The following LRIG3 variants were observed in gnomAD, a reference collection of about 807,000 sequenced individuals.
LRIG3 encodes the protein leucine rich repeats and immunoglobulin like domains 3.
In LRIG3, 76 loss-of-function variants were observed where a neutral mutation model predicts 114.5. The ratio of observed to expected loss-of-function variants is 0.66; its 90% CI spans 0.55 to 0.80. The LOEUF (loss-of-function observed/expected upper bound fraction) is 0.80. LRIG3 is among the 30% of genes least tolerant of loss of function. The pLI is 0.00. For missense variants in LRIG3, 1,239 were observed against 1,382.8 expected, an observed-to-expected ratio of 0.90 and a Z score of 1.65; for synonymous variants, 512 against 519.8, an observed-to-expected ratio of 0.98 and a Z score of 0.20.
chr12:58,916,697 G>A (rs543845296), intron 1 of LRIG3, among the ~76,000 whole-genome samples: 2 of 152,300 alleles, frequency 1.3e-5, no homozygotes, highest in African/African-American at 2.4e-5. Flanking sequence ...TTAATGAATG[G>A]GAAAGGTAGT....
At chr12:58,880,464 G>C (rs1042548702) in intron 13 of LRIG3, 117 bp downstream of exon 13, 3 of 988,484 alleles carry the variant, frequency 3.0e-6, no homozygotes, top group Admixed American at 4.1e-5. Context: ...GGGAAAGGAA[G>C]AGTCAGGTGG....
intron 10 of LRIG3, among the ~76,000 whole-genome samples, chr12:58,884,592 C>A (rs1871215243): frequency 6.6e-6 from 1 of 152,162 alleles, no homozygotes; most frequent in Admixed American, 6.5e-5. Flanking sequence ...ATAAATACTG[C>A]AATGTTGGTC....
chr12:58,895,232 T>C (rs929759440), intron 3 of LRIG3, among the ~76,000 whole-genome samples: 1 of 151,818 alleles, frequency 6.6e-6, no homozygotes, highest in African/African-American at 2.4e-5. Context: ...TAAAGTCTAG[T>C]GGGGAGGATA....
chr12:58,901,787 C>T (rs995868761), intron 3 of LRIG3, among the ~76,000 whole-genome samples: 3 of 152,132 alleles, frequency 2.0e-5, no homozygotes, highest in African/African-American at 7.2e-5. Flanking sequence ...AAGGGTAGAC[C>T]TCTGCTTAAC....
In LRIG3 at chr12:58,874,555, T is replaced by C; in HGVS notation, c.2714A>G (p.Asn905Ser). The C allele has an allele frequency of 3.1e-6, 5 of 1,614,230 alleles. No homozygotes were observed. The highest frequency in any genetic ancestry group is 4.2e-6 in the Non-Finnish European group (5 of 1,180,040). Reference protein sequence around the residue: ...HDSSGTCHIDNSSEADVEAAT... With the variant: ...HDSSGTCHIDSSSEADVEAAT... ...AGCTTCCACATCAGCTTCACTGCTA[T>C]TGTCAATATGGCAGGTCCCTTTGAA... is the stretch of plus-strand genomic sequence containing the variant. The change falls in exon 17 of 19, where the codon AAT (asparagine) becomes AGT (serine). Residue 905 changes from asparagine (N) to serine (S), a missense_variant. Coordinates refer to ENST00000320743, the MANE Select transcript of LRIG3 (RefSeq NM_153377.5).
rs556886519 is a variant in LRIG3 at position 58,918,971 on chromosome 12, G to A, written c.236+1029C>T. ...TGACCAAACCTCCTACCACATTAGGGCATTGGAATAGTTCACTAGAATTGT... is the reference window on the plus strand; with the variant it reads ...TGACCAAACCTCCTACCACATTAGGACATTGGAATAGTTCACTAGAATTGT... On this transcript the variant is annotated intron_variant, in intron 1 of 18. Transcript: ENST00000320743. Among the ~76,000 whole-genome samples the A allele has an allele frequency of 2.3e-4, 35 of 152,276 alleles. No homozygotes were observed. In the South Asian group the frequency reaches 6.4e-3, roughly 28 times the overall value.
In LRIG3 at chr12:58,898,664, GT is replaced by G. The variant is rs527352085; in HGVS notation, c.384-7869del. Among the ~76,000 whole-genome samples the G allele has an allele frequency of 2.3e-3, 345 of 149,148 alleles. 2 individuals carry two copies. The highest frequency in any genetic ancestry group is 4.3e-3 in the Non-Finnish European group (288 of 67,036). On this transcript the variant is annotated intron_variant, in intron 3 of 18. Transcript: ENST00000320743. ...TAGGTTATTAATCCTTTTCTCCCTT[GT>G]TTTTTTTTTCTTGAGACGGAGTCTG...
At chr12:58,909,780 C>T (rs1273277158) in intron 3 of LRIG3, among the ~76,000 whole-genome samples, 1 of 152,218 alleles carries the variant, frequency 6.6e-6, no homozygotes, top group Non-Finnish European at 1.5e-5. Context: ...TAATTCCAGG[C>T]CACCTGACTT....
At position 58,872,467 on chromosome 12, in the gene LRIG3, C is replaced by T; in HGVS notation, c.*105G>A. ...TCTGTATAAATAAAGCATTTTTATC[C>T]TTTTAAAATTCATAACTCCATTTAA... On this transcript the variant is annotated 3_prime_UTR_variant, in exon 19 of 19. Coordinates refer to ENST00000320743, the MANE Select transcript of LRIG3 (RefSeq NM_153377.5). 2 of 1,289,260 alleles carry T rather than the reference C, an allele frequency of 1.6e-6. No homozygotes were observed. The highest frequency in any genetic ancestry group is 4.2e-5 in the South Asian group (2 of 47,512). 79.9% of individuals were successfully genotyped at this position (1,289,260 alleles called of 1,614,324 possible). A position where few individuals can be genotyped will look rare whatever the true frequency, so the allele number is the denominator to read the frequency against.
intron 3 of LRIG3, among the ~76,000 whole-genome samples, chr12:58,904,272 G>A (rs1871979157): frequency 6.6e-6 from 1 of 152,088 alleles, no homozygotes; most frequent in Admixed American, 6.6e-5. Flanking sequence ...AGGAAGAGAA[G>A]GGGGAAAAAT....
Position 58,879,050 on chromosome 12 carries a change from C to T in LRIG3, c.1857G>A (p.Met619Ile), listed in dbSNP as rs757561715. 75 of 1,614,018 alleles carry T rather than the reference C, an allele frequency of 4.6e-5. 1 individual carries two copies. The highest frequency in any genetic ancestry group is 6.2e-5 in the Non-Finnish European group (73 of 1,180,008). ...PMDLTIRAGAMARLECAAVGH... is the reference protein window; with the variant it reads ...PMDLTIRAGAIARLECAAVGH... The stretch of plus-strand genomic sequence containing the variant: ...CCACAGCAGCACACTCCAAGCGTGC[C>T]ATGGCCCCAGCTCGGATGGTGAGAT... The change falls in exon 14 of 19, where the codon ATG becomes ATA. Residue 619 changes from methionine (M) to isoleucine (I), a missense_variant. By Grantham distance (10) the Met-to-Ile change is conservative (BLOSUM62 1). Transcript: ENST00000320743.
At chr12:58,910,117 G>A (rs1428199759) in intron 3 of LRIG3, among the ~76,000 whole-genome samples, 2 of 152,168 alleles carry the variant, frequency 1.3e-5, no homozygotes, top group Non-Finnish European at 2.9e-5. Context: ...TAAAGACAAT[G>A]ATGGACTAAG....
rs367927938 is a variant in LRIG3 at position 58,878,870 on chromosome 12, C to G, written c.2037G>C (p.Gln679His). 1.2e-6 allele frequency: 2 copies of G among 1,614,098 alleles called. No homozygotes were observed. Among genetic ancestry groups the G allele is most frequent in the Non-Finnish European group, 1.7e-6 (2 of 1,180,046 alleles). The stretch of plus-strand genomic sequence containing the variant: ...TTGCTGAAATACTTCCTGCACTGTT[C>G]TGAGCTGTGCAGCTGTATACCCCAA... ...EDIGVYSCTA[Q>H]NSAGSISANA... Residue 679 changes from glutamine to histidine, a missense_variant, in exon 14 of 19, where the codon CAG becomes CAC. Gln to His is a conservative substitution (Grantham distance 24). Coordinates refer to ENST00000320743, the MANE Select transcript of LRIG3 (RefSeq NM_153377.5).
chr12:58,890,695 G>A lies in LRIG3; in HGVS notation c.485C>T (p.Thr162Ile), dbSNP rs751710070. 6.2e-7 allele frequency: 1 copy of A among 1,607,310 alleles called. No homozygotes were observed. The highest frequency in any genetic ancestry group is 1.7e-5 in the Admixed American group (1 of 59,092). The change falls in exon 4 of 19, where the codon ACT becomes ATT. Residue 162 changes from threonine to isoleucine, a missense_variant. Physicochemically the swap from Thr to Ile is moderately conservative, Grantham distance 89. Transcript: ENST00000320743. Reference protein sequence around the residue: ...LSSNNISELQTAFPALQLKYL... With the variant: ...LSSNNISELQIAFPALQLKYL... ...TTTGAGCTGTAGGGCTGGAAATGCA[G>A]TTTGGAGCTCTGAAATATTGTTGCT...
At chr12:58,901,375 G>A (rs1871842688) in intron 3 of LRIG3, among the ~76,000 whole-genome samples, 2 of 152,186 alleles carry the variant, frequency 1.3e-5, no homozygotes, top group African/African-American at 4.8e-5. Context: ...TCTGGCCATT[G>A]TGTTTATACT....
chr12:58,888,699 A>T, intron 6 of LRIG3, 120 bp downstream of exon 6: 1 of 1,401,828 alleles, frequency 7.1e-7, no homozygotes, highest in Non-Finnish European at 9.7e-7. Flanking sequence ...ATACTGACTT[A>T]TAAATAAGAT....
chr12:58,876,239 T>C (rs1162075119), intron 16 of LRIG3, among the ~76,000 whole-genome samples: 1 of 152,210 alleles, frequency 6.6e-6, no homozygotes, highest in African/African-American at 2.4e-5. Flanking sequence ...TACTAGTCTT[T>C]TTTTATTGTT....
rs1592293983 is a variant in LRIG3, at chr12:58,878,904, A to G, written c.2003T>C (p.Ile668Thr). ...DDVFFIVDVK[I>T]EDIGVYSCTA... The stretch of plus-strand genomic sequence containing the variant: ...GCAGCTGTATACCCCAATGTCCTCT[A>G]TCTTCACATCCACGATAAAGAACAC... The change falls in exon 14 of 19, where the codon ATA becomes ACA. Residue 668 changes from isoleucine (I) to threonine (T), a missense_variant. Physicochemically the swap from Ile to Thr is moderately conservative, Grantham distance 89 (BLOSUM62 -1). Coordinates refer to ENST00000320743, the MANE Select transcript of LRIG3 (RefSeq NM_153377.5). 6.2e-7 allele frequency: 1 copy of G among 1,614,198 alleles called. No homozygotes were observed. The highest frequency in any genetic ancestry group is 8.5e-7 in the Non-Finnish European group (1 of 1,180,036).
chr12:58,887,911 T>C lies in LRIG3; in HGVS notation c.969A>G (p.Leu323=), dbSNP rs920702224. 2.5e-6 allele frequency: 4 copies of C among 1,613,084 alleles called. No individual in the cohort carries two copies. Among genetic ancestry groups the C allele is most frequent in the Admixed American group, 3.3e-5 (2 of 59,840 alleles). Reference sequence around the variant, plus strand: ...GGAAGCTTGAATCATCTAACCTTGATAAGTGATTGAAAGTTAGGTCCCTGT... The same window carrying C: ...GGAAGCTTGAATCATCTAACCTTGACAAGTGATTGAAAGTTAGGTCCCTGT... The part of the protein sequence containing the change: ...LSELDLTFNH[L]SRLDDSSFLG... The change falls in exon 8 of 19, where the codon TTA becomes TTG. Residue 323 remains leucine (L), a synonymous_variant. Coordinates refer to ENST00000320743, the MANE Select transcript of LRIG3 (RefSeq NM_153377.5).
Sources: gnomAD v4.1 joint callset for allele counts (sites outside exome capture counted in the v4.1 genomes callset) on GRCh38, gnomAD v4.1.1 for gene constraint, MANE v1.5 for transcripts, NCBI Gene and HGNC (gene_info 2026-07-23, HGNC 2026-07-21) for gene names.